The following CACNA1A variants were observed in gnomAD, a reference collection of about 807,000 sequenced individuals.
The protein encoded by CACNA1A is voltage-dependent P/Q-type calcium channel subunit alpha-1A.
Under a neutral mutation model 262.4 loss-of-function variants are expected in CACNA1A, and 57 were observed. The observed-to-expected ratio is 0.22, with a 90% CI of 0.18 to 0.27. The LOEUF is 0.27. CACNA1A is among the 10% of genes least tolerant of loss of function. The pLI, the probability that CACNA1A is intolerant of heterozygous loss-of-function variation, is 1.00. For synonymous variants in CACNA1A, 1,431 were observed against 1,419.3 expected, an observed-to-expected ratio of 1.01 and a Z score of -0.18; for missense variants, 2,526 against 3,562.8, an observed-to-expected ratio of 0.71 and a Z score of 7.41.
intron 1 of CACNA1A, among the ~76,000 whole-genome samples, chr19:13,505,469 C>G (rs1343664346): frequency 2.0e-5 from 3 of 152,176 alleles, no homozygotes; most frequent in African/African-American, 7.2e-5. Flanking sequence ...GGCTGTCCAG[C>G]TTCCCCTGCG....
At chr19:13,341,313 GATGGTCTGTGGCCCAGCTGACCT>G (rs1333742463) in intron 6 of CACNA1A, among the ~76,000 whole-genome samples, 1 of 17,500 alleles carries the variant, frequency 5.7e-5, no homozygotes, top group African/African-American at 1.5e-4. Context: ...CTGACATCTT[GATGGTCTGTGGCCCAGCTGACCT>G]TGATGGTCTG....
At chr19:13,476,313 G>T (rs76068335) in intron 1 of CACNA1A, among the ~76,000 whole-genome samples, 1 of 152,132 alleles carries the variant, frequency 6.6e-6, no homozygotes, top group East Asian at 1.9e-4. Flanking sequence ...CACCCTCCCG[G>T]CCAGCAGGTG....
intron 24 of CACNA1A, among the ~76,000 whole-genome samples, chr19:13,267,147 A>AG (rs1600208133): frequency 1.3e-5 from 2 of 152,028 alleles, no homozygotes; most frequent in East Asian, 1.9e-4. Flanking sequence ...AGAGAGAGAG[A>AG]AAGAGAGAGA....
chr19:13,334,909 T>A (rs1041506360), intron 7 of CACNA1A, among the ~76,000 whole-genome samples: 1 of 151,894 alleles, frequency 6.6e-6, no homozygotes, highest in Non-Finnish European at 1.5e-5. Context: ...TGGCATACAC[T>A]TGTTGCCTTA....
chr19:13,393,165 G>A (rs910028058), intron 3 of CACNA1A, among the ~76,000 whole-genome samples: 1 of 152,140 alleles, frequency 6.6e-6, no homozygotes, highest in Non-Finnish European at 1.5e-5. Context: ...ATGAAGAGTG[G>A]TCACCCACAG....
intron 3 of CACNA1A, among the ~76,000 whole-genome samples, chr19:13,391,088 T>A (rs780307306): frequency 2.6e-5 from 4 of 152,312 alleles, no homozygotes; most frequent in Admixed American, 2.6e-4. Flanking sequence ...GGTTTCACCA[T>A]GTTGACCAAG....
intron 24 of CACNA1A, among the ~76,000 whole-genome samples, chr19:13,264,558 A>G (rs115764300): frequency 0.011 from 1,742 of 152,266 alleles, 31 homozygotes; most frequent in African/African-American, 0.039. Flanking sequence ...TCACCTTTGC[A>G]TTCCCATTTA....
At chr19:13,487,570 G>T (rs1224593227) in intron 1 of CACNA1A, among the ~76,000 whole-genome samples, 1 of 151,786 alleles carries the variant, frequency 6.6e-6, no homozygotes, top group Non-Finnish European at 1.5e-5. Context: ...GAGAGGTGAT[G>T]GTTGCACAAC....
At chr19:13,490,725 GAA>G (rs1980717362) in intron 1 of CACNA1A, among the ~76,000 whole-genome samples, 6 of 107,124 alleles carry the variant, frequency 5.6e-5, no homozygotes, top group African/African-American at 1.8e-4. Flanking sequence ...AAGAAAGAAA[GAA>G]AGAAAGAGAA....
chr19:13,413,936 A>C (rs1450866766), intron 3 of CACNA1A, among the ~76,000 whole-genome samples: 1 of 147,984 alleles, frequency 6.8e-6, no homozygotes, highest in Non-Finnish European at 1.5e-5. Flanking sequence ...AGAAAGAAAG[A>C]AAGAAAGAAA....
At chr19:13,443,841 C>T (rs375559643) in intron 3 of CACNA1A, among the ~76,000 whole-genome samples, 102 of 152,298 alleles carry the variant, frequency 6.7e-4, no homozygotes, top group African/African-American at 2.4e-3. Flanking sequence ...TGATCCACCC[C>T]TTACCAGCTG....
chr19:13,324,991 A>G (rs2058325979), intron 10 of CACNA1A, among the ~76,000 whole-genome samples: 1 of 147,532 alleles, frequency 6.8e-6, no homozygotes, highest in African/African-American at 2.5e-5. Flanking sequence ...TATGCTCCAC[A>G]TTTTACTTAT....
At chr19:13,224,584 G>C (rs2144594401) in intron 38 of CACNA1A, 83 bp downstream of exon 38, 1 of 876,940 alleles carries the variant, frequency 1.1e-6, no homozygotes, top group African/African-American at 1.7e-5. Context: ...GGTGACAGCA[G>C]ATCCTCTAGT....
intron 3 of CACNA1A, among the ~76,000 whole-genome samples, chr19:13,435,087 G>A (rs1230094872): frequency 1.3e-5 from 2 of 151,138 alleles, no homozygotes; most frequent in Non-Finnish European, 2.9e-5. Context: ...ACTGTGCCCA[G>A]CCAGGCATTT....
At chr19:13,309,977 A>C (rs2057986245) in intron 12 of CACNA1A, among the ~76,000 whole-genome samples, 1 of 151,544 alleles carries the variant, frequency 6.6e-6, no homozygotes, top group South Asian at 2.1e-4. Flanking sequence ...GTTACTCCCC[A>C]CTCTCCCTCA....
At chr19:13,447,722 T>G (rs2060841651) in intron 3 of CACNA1A, among the ~76,000 whole-genome samples, 2 of 152,160 alleles carry the variant, frequency 1.3e-5, no homozygotes, top group African/African-American at 2.4e-5. Context: ...TTGGTGTAAG[T>G]CCATGAGTCC....
chr19:13,290,704 C>T (rs1043356585), intron 19 of CACNA1A, among the ~76,000 whole-genome samples: 2 of 152,046 alleles, frequency 1.3e-5, no homozygotes, highest in Non-Finnish European at 2.9e-5. Flanking sequence ...TGAGCCACCA[C>T]GCCTGGCCCT....
intron 3 of CACNA1A, among the ~76,000 whole-genome samples, chr19:13,399,309 A>C (rs573352357): frequency 2.0e-5 from 3 of 152,160 alleles, no homozygotes; most frequent in African/African-American, 7.2e-5. Context: ...TGAGTCACTA[A>C]AGAAAACGGT....
intron 11 of CACNA1A, chr19:13,315,097 T>A (rs996933152): frequency 6.6e-6 from 1 of 152,040 alleles, no homozygotes; most frequent in Non-Finnish European, 1.5e-5. Flanking sequence ...TTCTACCACA[T>A]AGATGTGGAG....
Sources: gnomAD v4.1 joint callset for allele counts (sites outside exome capture counted in the v4.1 genomes callset) on GRCh38, gnomAD v4.1.1 for gene constraint, MANE v1.5 for transcripts, NCBI Gene and HGNC (gene_info 2026-07-23, HGNC 2026-07-21) for gene names.